The following MSI2 variants were observed in gnomAD, a reference collection of about 807,000 sequenced individuals.
The protein encoded by MSI2 is RNA-binding protein Musashi homolog 2.
MSI2 carries 17 observed loss-of-function variants against 45.6 expected under a neutral mutation model. That is an observed-to-expected ratio of 0.37 (90% CI 0.26 to 0.56). The LOEUF (loss-of-function observed/expected upper bound fraction) is 0.56. MSI2 is among the 20% of genes least tolerant of loss of function. MSI2 has a pLI of 0.77. For missense variants in MSI2, 293 were observed against 444.2 expected (o/e 0.66, Z 3.06); for synonymous variants, 156 against 158.2 (o/e 0.99, Z 0.11).
At position 57,682,016 on chromosome 17, in the gene MSI2, G is replaced by A. The variant is rs147694183; in HGVS notation, c.*2499G>A. 9.6e-6 allele frequency: 2 copies of A among 209,078 alleles called. No homozygotes were observed. The highest frequency in any genetic ancestry group is 1.9e-5 in the Non-Finnish European group (2 of 102,956). 13.0% of individuals were successfully genotyped at this position (209,078 alleles called of 1,614,324 possible). On this transcript the variant is annotated 3_prime_UTR_variant, in exon 14 of 14. Coordinates refer to ENST00000284073, the MANE Select transcript of MSI2 (RefSeq NM_138962.4). ...TGTATAAAATGGCTATCTTGTAAGC[G>A]TGCTGTCCTGGTACTAGTGTAGCGA...
At chr17:57,425,848 A>G (rs2084481416) in intron 6 of MSI2, among the ~76,000 whole-genome samples, 1 of 152,222 alleles carries the variant, frequency 6.6e-6, no homozygotes, top group African/African-American at 2.4e-5. Context: ...GGGAGGTTGT[A>G]CTAATTTACA....
At chr17:57,593,604 A>T (rs1905032317) in intron 7 of MSI2, among the ~76,000 whole-genome samples, 1 of 152,162 alleles carries the variant, frequency 6.6e-6, no homozygotes, top group African/African-American at 2.4e-5. Context: ...AAGATTCTTA[A>T]TTAAATTACA....
rs79509442 is a variant in MSI2 at position 57,452,023 on chromosome 17, T to C, written c.405+50552T>C. On this transcript the variant is annotated intron_variant, in intron 6 of 13. Coordinates refer to ENST00000284073, the MANE Select transcript of MSI2 (RefSeq NM_138962.4). ...TTGCTGACCGTTCTCAGGGGGGATGTCCTCTTCTCTTTCTTTAGTGAGGAG... is the reference window on the plus strand; with the variant it reads ...TTGCTGACCGTTCTCAGGGGGGATGCCCTCTTCTCTTTCTTTAGTGAGGAG... Among the ~76,000 whole-genome samples the C allele has an allele frequency of 6.7e-3, 1,021 of 152,314 alleles. 8 individuals are homozygous for C. The highest frequency in any genetic ancestry group is 0.024 in the African/African-American group (977 of 41,574).
intron 6 of MSI2, among the ~76,000 whole-genome samples, chr17:57,430,994 A>C (rs886494712): frequency 5.3e-5 from 8 of 152,238 alleles, no homozygotes; most frequent in African/African-American, 1.9e-4. Context: ...GAAACAAACA[A>C]ATTCCATTTC....
At position 57,422,511 on chromosome 17, in the gene MSI2, T is replaced by G. The variant is rs531368818; in HGVS notation, c.405+21040T>G. The stretch of plus-strand genomic sequence containing the variant: ...TACAGTCTCCCTGTGAGGTAGGTAT[T>G]CTTTTGTCTTGTCACAGGTGAGGAA... On this transcript the variant is annotated intron_variant, in intron 6 of 13. Coordinates refer to ENST00000284073, the MANE Select transcript of MSI2 (RefSeq NM_138962.4). Among the ~76,000 whole-genome samples, 6 of 152,282 alleles carry G rather than the reference T, an allele frequency of 3.9e-5. No individual in the cohort carries two copies. In the South Asian group the frequency reaches 1.2e-3, roughly 32 times the overall value.
At chr17:57,667,403 T>C (rs1912447021) in intron 11 of MSI2, among the ~76,000 whole-genome samples, 1 of 152,158 alleles carries the variant, frequency 6.6e-6, no homozygotes, top group African/African-American at 2.4e-5. Context: ...GAAGCATCCG[T>C]TCACGGTGGA....
chr17:57,594,554 G>T (rs769451299), intron 7 of MSI2, among the ~76,000 whole-genome samples: 5 of 152,182 alleles, frequency 3.3e-5, no homozygotes, highest in African/African-American at 7.2e-5. Context: ...GGAAGTGTCG[G>T]TGTGGCTCTT....
chr17:57,268,564 G>A (rs936522572), intron 5 of MSI2: 8 of 151,258 alleles, frequency 5.3e-5, no homozygotes, highest in Admixed American at 4.6e-4. Flanking sequence ...CCAGCCAGGT[G>A]CGGTGGCTCA....
rs144507974 is a variant in MSI2, at chr17:57,260,492, C to T, written c.271-1659C>T. Reference sequence around the variant, plus strand: ...GTGATTTCTGATTGCAATTGTGTGCCGGCCAACTAAAAAAAACACCCTCTG... The same window carrying T: ...GTGATTTCTGATTGCAATTGTGTGCTGGCCAACTAAAAAAAACACCCTCTG... On this transcript the variant is annotated intron_variant, in intron 4 of 13. Transcript: ENST00000284073. Among the ~76,000 whole-genome samples the T allele has an allele frequency of 1.8e-3, 274 of 152,072 alleles. 1 individual carries two copies. The highest frequency in any genetic ancestry group is 5.8e-3 in the African/African-American group (239 of 41,434).
chr17:57,310,010 A>G (rs1912247583), intron 5 of MSI2, among the ~76,000 whole-genome samples: 1 of 152,164 alleles, frequency 6.6e-6, no homozygotes, highest in Admixed American at 6.5e-5. Context: ...TTGGGCTTTG[A>G]TGAGTCAGTG....
At chr17:57,321,873 C>A (rs1053871306) in intron 5 of MSI2, among the ~76,000 whole-genome samples, 1 of 151,996 alleles carries the variant, frequency 6.6e-6, no homozygotes, top group African/African-American at 2.4e-5. Flanking sequence ...CTTGGCTCAC[C>A]GCAACCTCTG....
At chr17:57,572,719 G>A (rs929137036) in intron 7 of MSI2, among the ~76,000 whole-genome samples, 2 of 152,184 alleles carry the variant, frequency 1.3e-5, no homozygotes, top group African/African-American at 2.4e-5. Context: ...TGCTATGGAG[G>A]CTGCCACCCA....
intron 4 of MSI2, among the ~76,000 whole-genome samples, chr17:57,261,406 T>C (rs1460624081): frequency 5.9e-5 from 9 of 152,142 alleles, no homozygotes; most frequent in Admixed American, 5.9e-4. Flanking sequence ...TTTTCTAATT[T>C]GGGTTTAGGT....
rs542582069 is a variant in MSI2 at position 57,489,163 on chromosome 17, C to T, written c.406-40513C>T. On this transcript the variant is annotated intron_variant, in intron 6 of 13. Transcript: ENST00000284073. ...AGCCACGTGCTTTCTGGGGCCCAGG[C>T]AGCCCTCATCTGCCAAAGAAGGGAG... is the stretch of plus-strand genomic sequence containing the variant. Among the ~76,000 whole-genome samples the T allele has an allele frequency of 2.4e-3, 365 of 152,316 alleles. 1 individual carries two copies. Among genetic ancestry groups the T allele is most frequent in the Middle Eastern group, 0.024 (7 of 294 alleles).
intron 6 of MSI2, among the ~76,000 whole-genome samples, chr17:57,515,535 A>G (rs1033788304): frequency 6.6e-6 from 1 of 152,058 alleles, no homozygotes; most frequent in East Asian, 1.9e-4. Flanking sequence ...ATCCTCCAAA[A>G]TCTTCCTGAA....
chr17:57,680,827 A>T lies in MSI2; in HGVS notation c.*1310A>T, dbSNP rs911611144. 3 of 207,788 alleles carry T rather than the reference A, an allele frequency of 1.4e-5. No individual in the cohort carries two copies. 12.9% of individuals were successfully genotyped at this position (207,788 alleles called of 1,614,324 possible). ...AATATTTGATCATTTTCTATTGTCCAATCATTTCAGCACCTCCAAAGGTCC... is the reference window on the plus strand; with the variant it reads ...AATATTTGATCATTTTCTATTGTCCTATCATTTCAGCACCTCCAAAGGTCC... On this transcript the variant is annotated 3_prime_UTR_variant, in exon 14 of 14. Coordinates refer to ENST00000284073, the MANE Select transcript of MSI2 (RefSeq NM_138962.4).
At chr17:57,465,538 T>C (rs1389983780) in intron 6 of MSI2, among the ~76,000 whole-genome samples, 3 of 151,908 alleles carry the variant, frequency 2.0e-5, no homozygotes, top group Non-Finnish European at 4.4e-5. Context: ...GGTTGTGGAG[T>C]GGAGTGGAGG....
chr17:57,604,524 C>G (rs1906307106), intron 8 of MSI2, among the ~76,000 whole-genome samples: 1 of 152,000 alleles, frequency 6.6e-6, no homozygotes, highest in African/African-American at 2.4e-5. Flanking sequence ...GTGCACCTCC[C>G]AAAGCAGGAG....
intron 7 of MSI2, among the ~76,000 whole-genome samples, chr17:57,568,201 T>G (rs910655255): frequency 6.6e-6 from 1 of 152,164 alleles, no homozygotes; most frequent in Non-Finnish European, 1.5e-5. Context: ...GGAGAATGCC[T>G]CTTGGTCCAC....
Sources: allele counts gnomAD v4.1 joint callset (sites outside exome capture counted in the v4.1 genomes callset), GRCh38; gene constraint gnomAD v4.1.1; transcripts MANE v1.5; gene names NCBI Gene and HGNC (gene_info 2026-07-23, HGNC 2026-07-21).